LRCH1: variants seen among roughly 807,000 people sequenced by gnomAD.
The protein encoded by LRCH1 is leucine rich repeats and calponin homology domain containing 1, also known as leucine-rich repeat and calponin homology domain-containing protein 1.
A neutral mutation model predicts 94.9 loss-of-function variants in LRCH1; 23 were observed. The ratio of observed to expected loss-of-function variants is 0.24; its 90% confidence interval spans 0.17 to 0.34. The LOEUF is 0.34. Among genes scored for constraint, LRCH1 ranks in the 10% least tolerant of loss-of-function variants. The pLI, the probability that LRCH1 is intolerant of heterozygous loss-of-function variation, is 1.00. For missense variants in LRCH1, 790 were observed against 945.9 expected, an observed-to-expected ratio of 0.84 and a Z score of 2.16; for synonymous variants, 364 against 354.9, an observed-to-expected ratio of 1.03 and a Z score of -0.29.
At chr13:46,732,318 C>G (rs565363038) in intron 18 of LRCH1, among the ~76,000 whole-genome samples, 1 of 152,228 alleles carries the variant, frequency 6.6e-6, no homozygotes, top group South Asian at 2.1e-4. Context: ...CAGCCTCTGA[C>G]AATTTGATAA....
chr13:46,671,868 G>T (rs774052898), intron 3 of LRCH1, among the ~76,000 whole-genome samples: 2 of 152,114 alleles, frequency 1.3e-5, no homozygotes, highest in South Asian at 2.1e-4. Flanking sequence ...TGTCATCAAC[G>T]TTCCCCACCA....
intron 3 of LRCH1, among the ~76,000 whole-genome samples, chr13:46,678,628 G>GA (rs1200177243): frequency 6.6e-6 from 1 of 152,082 alleles, no homozygotes; most frequent in Non-Finnish European, 1.5e-5. Flanking sequence ...AAATCAGAAG[G>GA]AAAAAAACTT....
chr13:46,687,577 T>C (rs1241091442), intron 5 of LRCH1, among the ~76,000 whole-genome samples: 1 of 152,232 alleles, frequency 6.6e-6, no homozygotes, highest in Non-Finnish European at 1.5e-5. Flanking sequence ...TTTTTTATAC[T>C]ATATATACTT....
chr13:46,601,775 C>T (rs903206226), intron 1 of LRCH1, among the ~76,000 whole-genome samples: 4 of 152,084 alleles, frequency 2.6e-5, no homozygotes, highest in Admixed American at 2.0e-4. Flanking sequence ...GGCTGTTTTT[C>T]GTAGGGGGTT....
At chr13:46,717,408 A>G (rs1173418876) in intron 16 of LRCH1, 1 of 152,244 alleles carries the variant, frequency 6.6e-6, no homozygotes, top group Non-Finnish European at 1.5e-5. Context: ...TAATAAAGCC[A>G]TCGTTTTCAA....
intron 19 of LRCH1, among the ~76,000 whole-genome samples, chr13:46,735,497 A>T (rs1291728944): frequency 6.6e-6 from 1 of 152,242 alleles, no homozygotes; most frequent in African/African-American, 2.4e-5. Context: ...GATATAAAAT[A>T]AAATGGAAAT....
chr13:46,714,138 T>G (rs1468570210), intron 15 of LRCH1, among the ~76,000 whole-genome samples: 2 of 152,216 alleles, frequency 1.3e-5, no homozygotes, highest in Non-Finnish European at 2.9e-5. Flanking sequence ...ATGGAGCTTT[T>G]ATTTTGAATA....
At chr13:46,736,871 T>C (rs1182736417) in intron 19 of LRCH1, among the ~76,000 whole-genome samples, 4 of 152,240 alleles carry the variant, frequency 2.6e-5, no homozygotes, top group Non-Finnish European at 5.9e-5. Flanking sequence ...TTCTTAAGCC[T>C]AAAATTTTTT....
intron 19 of LRCH1, among the ~76,000 whole-genome samples, chr13:46,735,875 C>A (rs1873354443): frequency 6.8e-6 from 1 of 147,070 alleles, no homozygotes; most frequent in Non-Finnish European, 1.5e-5. Flanking sequence ...CAGCTCACTG[C>A]AACCTCCACT....
intron 11 of LRCH1, 127 bp from the exon 12 acceptor site, chr13:46,704,941 T>C (rs1871672361): frequency 3.7e-6 from 2 of 537,538 alleles, no homozygotes; most frequent in Non-Finnish European, 6.5e-6. Flanking sequence ...AAACTTTTCC[T>C]CACTTAATCC....
chr13:46,571,872 A>ATG (rs2050244582), intron 1 of LRCH1, among the ~76,000 whole-genome samples: 1 of 141,656 alleles, frequency 7.1e-6, no homozygotes, highest in African/African-American at 2.5e-5. Context: ...CACTTGGGGT[A>ATG]TGTGTGTGTG....
intron 3 of LRCH1, among the ~76,000 whole-genome samples, chr13:46,673,789 C>T (rs1438047620): frequency 1.5e-5 from 2 of 134,418 alleles, no homozygotes; most frequent in African/African-American, 5.9e-5. Flanking sequence ...GAGTCTTGCT[C>T]TGTCACCCAG....
At chr13:46,668,694 G>C (rs1177369260) in intron 2 of LRCH1, among the ~76,000 whole-genome samples, 2 of 139,342 alleles carry the variant, frequency 1.4e-5, no homozygotes, top group Admixed American at 1.5e-4. Context: ...CTGCCTCCTG[G>C]CTGGCCGAGG....
intron 1 of LRCH1, among the ~76,000 whole-genome samples, chr13:46,559,519 ACGTCTAGATGGGCCCTTCCACATGT>A (rs1458622548): frequency 2.0e-5 from 3 of 152,218 alleles, no homozygotes; most frequent in African/African-American, 7.2e-5. Flanking sequence ...GTTCTGAATC[ACGTCTAGATGGGCCCTTCCACATGT>A]CTGTGGTATA....
chr13:46,692,564 A>G lies in LRCH1; in HGVS notation c.1043A>G (p.Asn348Ser), dbSNP rs1367442707. The G allele has an allele frequency of 6.8e-6, 11 of 1,613,932 alleles. No homozygotes were observed. Among genetic ancestry groups the G allele is most frequent in the Admixed American group, 1.7e-5 (1 of 60,008 alleles). ...EPSDEDTVSL[N>S]VPMSNIMEEE... ...TCTGACGAAGACACTGTTAGCCTCA[A>G]TGTGCCAATGTCAAACATCATGGAA... Residue 348 changes from asparagine to serine, a missense_variant, in exon 8 of 20, where the codon AAT becomes AGT. Asn to Ser is a conservative substitution (Grantham distance 46). Around this residue, in one of 3 missense-constraint regions of LRCH1, gnomAD observed 194 missense variants for 293.5 expected, o/e 0.66. Transcript: ENST00000389797.
intron 1 of LRCH1, among the ~76,000 whole-genome samples, chr13:46,647,445 A>G (rs748847962): frequency 6.6e-6 from 1 of 151,384 alleles, no homozygotes; most frequent in Non-Finnish European, 1.5e-5. Context: ...GTTCATATCT[A>G]TTTTTCTTTT....
chr13:46,711,961 G>A (rs1872087839), intron 14 of LRCH1, 117 bp downstream of exon 14: 2 of 749,978 alleles, frequency 2.7e-6, no homozygotes, highest in South Asian at 4.1e-5. Context: ...GAGTCTTTGG[G>A]GGAATCCGTC....
At chr13:46,580,854 C>T (rs532976410) in intron 1 of LRCH1, among the ~76,000 whole-genome samples, 1 of 152,288 alleles carries the variant, frequency 6.6e-6, no homozygotes, top group East Asian at 1.9e-4. Flanking sequence ...ACACAATTTT[C>T]AGTTGGTTCT....
chr13:46,672,573 A>G (rs970464990), intron 3 of LRCH1, among the ~76,000 whole-genome samples: 2 of 152,092 alleles, frequency 1.3e-5, no homozygotes, highest in Admixed American at 6.6e-5. Flanking sequence ...GCTTTCCTCA[A>G]ATACCCTTTG....
Sources: allele counts gnomAD v4.1 joint callset (sites outside exome capture counted in the v4.1 genomes callset), GRCh38; gene constraint gnomAD v4.1.1; regional missense constraint gnomAD v4.1.1; transcripts MANE v1.5; gene names NCBI Gene and HGNC (gene_info 2026-07-23, HGNC 2026-07-21).